Variants in WDR93 observed in about 807,000 individuals in gnomAD.
The protein encoded by WDR93 is WD repeat-containing protein 93.
Under a neutral mutation model 82.9 loss-of-function variants are expected in WDR93, and 73 were observed. The observed-to-expected ratio is 0.88, with a 90% CI of 0.73 to 1.07. The LOEUF (loss-of-function observed/expected upper bound fraction) is 1.07. Ranked by LOEUF, WDR93 falls within the 50% of genes least tolerant of loss-of-function variation. WDR93 has a pLI of 0.00. For missense variants in WDR93, 738 were observed against 826.0 expected, an observed-to-expected ratio of 0.89 and a Z score of 1.31; for synonymous variants, 283 against 300.1, an observed-to-expected ratio of 0.94 and a Z score of 0.59.
In WDR93 at chr15:89,729,687, G is replaced by A; in HGVS notation, c.1128G>A (p.Met376Ile). 6.2e-7 allele frequency: 1 copy of A among 1,612,000 alleles called. No individual in the cohort carries two copies. The change falls in exon 11 of 17, where the codon ATG becomes ATA. Residue 376 changes from methionine (M) to isoleucine (I), a missense_variant. By Grantham distance (10) the Met-to-Ile change is conservative. Transcript: ENST00000268130. ...TTTCCCCCGCCCCCCCACCAGGAAT[G>A]GCCTGTGTCCTTGGTATACACTGGA... ...MPPEVKGPSG[M>I]ACVLGIHWTR...
intron 2 of WDR93, 114 bp from the exon 3 acceptor site, chr15:89,702,836 G>C (rs570207035): frequency 1.6e-6 from 2 of 1,222,734 alleles, no homozygotes; most frequent in South Asian, 3.1e-5. Flanking sequence ...ACTGCGTCCA[G>C]CCAGGAAATG....
At chr15:89,714,596 A>G (rs1423642372) in intron 5 of WDR93, among the ~76,000 whole-genome samples, 1 of 152,196 alleles carries the variant, frequency 6.6e-6, no homozygotes, top group African/African-American at 2.4e-5. Context: ...TGCTGAGATT[A>G]CAGGCGTGAG....
In WDR93 at chr15:89,715,880, G is replaced by A. The variant is rs555913047; in HGVS notation, c.756+785G>A. 7.2e-5 allele frequency among the ~76,000 whole-genome samples: 11 copies of A among 152,232 alleles called. No individual in the cohort carries two copies. The East Asian group carries it at 1.3e-3, about 19-fold the overall frequency. ...ATTACAGGCATGAGCCATCGCACCC[G>A]GCCTGTGCTATGTTTTTAAGATATA... is the stretch of plus-strand genomic sequence containing the variant. On this transcript the variant is annotated intron_variant, in intron 6 of 16. Transcript: ENST00000268130.
intron 16 of WDR93, among the ~76,000 whole-genome samples, chr15:89,740,934 G>A (rs949120828): frequency 2.6e-5 from 4 of 152,080 alleles, no homozygotes; most frequent in African/African-American, 4.8e-5. Context: ...AAGGCCAGGC[G>A]TTCGAGACCA....
intron 14 of WDR93, among the ~76,000 whole-genome samples, chr15:89,737,095 G>T (rs766095562): frequency 1.3e-5 from 2 of 152,178 alleles, no homozygotes; most frequent in Non-Finnish European, 2.9e-5. Context: ...CCGGCCAAAG[G>T]GGACTTTCTA....
At position 89,693,414 on chromosome 15, in the gene WDR93, G is replaced by A. The variant is rs530566215; in HGVS notation, c.-41+2557G>A. Reference sequence around the variant, plus strand: ...ACAAATAAAGTTGTAATGACTGTTCGTGTACAAGTCTTTGTATGGACATAT... The same window carrying A: ...ACAAATAAAGTTGTAATGACTGTTCATGTACAAGTCTTTGTATGGACATAT... On this transcript the variant is annotated intron_variant, in intron 1 of 16. Coordinates refer to ENST00000268130, the MANE Select transcript of WDR93 (RefSeq NM_020212.2). Among the ~76,000 whole-genome samples, 5 of 152,240 alleles carry A rather than the reference G, an allele frequency of 3.3e-5. No homozygotes were observed. The South Asian group carries it at 6.2e-4, about 19-fold the overall frequency.
intron 13 of WDR93, 133 bp downstream of exon 13, chr15:89,733,352 T>G (rs1453767673): frequency 1.2e-6 from 1 of 814,968 alleles, no homozygotes; most frequent in Non-Finnish European, 1.9e-6. Context: ...GGTGAGCTTC[T>G]GAAGATCACC....
At chr15:89,731,405 G>A (rs1415323797) in intron 11 of WDR93, 38 bp from the exon 12 acceptor site, 1 of 1,567,926 alleles carries the variant, frequency 6.4e-7, no homozygotes, top group South Asian at 1.1e-5. Flanking sequence ...TAGGTGCAGA[G>A]TCTGGGGGAA....
chr15:89,714,822 C>G (rs1387538927), intron 5 of WDR93, among the ~76,000 whole-genome samples, 158 bp from the exon 6 acceptor site: 1 of 152,132 alleles, frequency 6.6e-6, no homozygotes, highest in Admixed American at 6.5e-5. Context: ...TTGCAATAAC[C>G]ATTGCAGAAC....
intron 1 of WDR93, among the ~76,000 whole-genome samples, chr15:89,699,010 A>T (rs947159909): frequency 4.6e-5 from 7 of 151,934 alleles, no homozygotes; most frequent in African/African-American, 7.3e-5. Flanking sequence ...AGCACATGCC[A>T]CCACGCCTGG....
chr15:89,706,940 A>C (rs370293752), intron 4 of WDR93, among the ~76,000 whole-genome samples: 1 of 152,204 alleles, frequency 6.6e-6, no homozygotes, highest in East Asian at 1.9e-4. Context: ...AGAAAAGATA[A>C]ACTGGACTTT....
chr15:89,702,036 T>C lies in WDR93; in HGVS notation c.290T>C (p.Leu97Pro), dbSNP rs1965495509. 6.2e-7 allele frequency: 1 copy of C among 1,609,104 alleles called. No individual in the cohort carries two copies. Among genetic ancestry groups the C allele is most frequent in the Admixed American group, 1.7e-5 (1 of 59,924 alleles). The stretch of plus-strand genomic sequence containing the variant: ...ATCCAGCCCACCGTCTACCCTCCAC[T>C]TGGAGAAATCCAGGTATGGAGTAAG... ...SQIQPTVYPP[L>P]GEIQLNKMPN... Residue 97 changes from leucine (L) to proline (P), a missense_variant, in exon 2 of 17, where the codon CTT becomes CCT. Leu to Pro is a moderately conservative substitution (Grantham distance 98). Coordinates refer to ENST00000268130, the MANE Select transcript of WDR93 (RefSeq NM_020212.2).
At position 89,709,367 on chromosome 15, in the gene WDR93, T is replaced by G. The variant is rs1379244716; in HGVS notation, c.562-2659T>G. 5.3e-5 allele frequency among the ~76,000 whole-genome samples: 8 copies of G among 152,208 alleles called. No individual in the cohort carries two copies. The East Asian group carries it at 1.5e-3, about 29-fold the overall frequency. On this transcript the variant is annotated intron_variant, in intron 4 of 16. Transcript: ENST00000268130. ...TGCCTGTTAACCAGATAACTAGAAC[T>G]AATTGCATTATCAGTGCAGCATCTG...
chr15:89,736,450 C>G (rs79480559), intron 14 of WDR93, among the ~76,000 whole-genome samples: 5,779 of 152,028 alleles, frequency 0.038, 398 homozygotes, highest in African/African-American at 0.13. Flanking sequence ...TGAAGTGGGG[C>G]GTACAGCAGG....
intron 1 of WDR93, among the ~76,000 whole-genome samples, chr15:89,700,979 T>TAC (rs34106334): frequency 0.064 from 9,579 of 150,258 alleles, 362 homozygotes; most frequent in African/African-American, 0.091. Context: ...TATGTGTGTG[T>TAC]ACACACACAC....
chr15:89,738,303 G>A (rs1967374579), intron 16 of WDR93, 67 bp downstream of exon 16: 1 of 1,479,494 alleles, frequency 6.8e-7, no homozygotes, highest in African/African-American at 1.4e-5. Context: ...GGATAGTGGA[G>A]TTTCTTTCAT....
chr15:89,715,874 G>A (rs543692434), intron 6 of WDR93, among the ~76,000 whole-genome samples: 22 of 152,264 alleles, frequency 1.4e-4, no homozygotes, highest in African/African-American at 5.3e-4. Context: ...ATGAGCCATC[G>A]CACCCGGCCT....
At chr15:89,735,248 C>G (rs1967069082) in intron 13 of WDR93, among the ~76,000 whole-genome samples, 1 of 152,180 alleles carries the variant, frequency 6.6e-6, no homozygotes, top group African/African-American at 2.4e-5. Flanking sequence ...CATGTTGATG[C>G]ATGTAGCTCC....
intron 5 of WDR93, 91 bp downstream of exon 5, chr15:89,712,195 A>G: frequency 9.3e-7 from 1 of 1,073,674 alleles, no homozygotes. Context: ...CCTTTTATTT[A>G]GAAATTATTT....
Sources: gnomAD v4.1 joint callset for allele counts (sites outside exome capture counted in the v4.1 genomes callset) on GRCh38, gnomAD v4.1.1 for gene constraint, MANE v1.5 for transcripts, NCBI Gene and HGNC (gene_info 2026-07-23, HGNC 2026-07-21) for gene names.